The following LRRC37A2 variants were observed in gnomAD, a reference collection of about 807,000 sequenced individuals.
LRRC37A2 encodes the protein leucine-rich repeat-containing protein 37A2.
A neutral mutation model predicts 68.8 loss-of-function variants in LRRC37A2; 9 were observed. That is an observed-to-expected ratio of 0.13 (90% CI 0.08 to 0.23). The LOEUF (loss-of-function observed/expected upper bound fraction) is 0.23, where lower values mean the gene tolerates loss of function less well. Among genes scored for constraint, LRRC37A2 ranks in the 10% least tolerant of loss-of-function variants. LRRC37A2 has a pLI of 1.00. For synonymous variants in LRRC37A2, 63 were observed against 367.6 expected, an observed-to-expected ratio of 0.17 and a Z score of 9.48; for missense variants, 168 against 950.4, an observed-to-expected ratio of 0.18 and a Z score of 10.82.
intron 8 of LRRC37A2, among the ~76,000 whole-genome samples, chr17:46,543,499 A>G (rs1350472868): frequency 6.6e-6 from 1 of 150,916 alleles, no homozygotes; most frequent in African/African-American, 2.5e-5. Flanking sequence ...GTGTATACGG[A>G]CCGCATAGTA....
At chr17:46,657,970 A>ATTT in the LRRC37A2 span, among the ~76,000 whole-genome samples, 30 of 14,854 alleles carry the variant, frequency 2.0e-3, 1 homozygote, top group Non-Finnish European at 2.2e-3. Context: ...TATTTTATTT[A>ATTT]TTTTTTTTTT....
chr17:46,918,365 G>A, the LRRC37A2 span, among the ~76,000 whole-genome samples: 112 of 152,184 alleles, frequency 7.4e-4, no homozygotes, highest in East Asian at 0.02. Flanking sequence ...GGCGTGAACC[G>A]CCGCCCCCGG....
At chr17:46,935,712 A>G in the LRRC37A2 span, 1 of 987,600 alleles carries the variant, frequency 1.0e-6, no homozygotes, top group African/African-American at 1.8e-5. Flanking sequence ...GATCCCAGCG[A>G]CTCTTCACTC....
At chr17:46,709,183 A>G in the LRRC37A2 span, among the ~76,000 whole-genome samples, 1 of 152,220 alleles carries the variant, frequency 6.6e-6, no homozygotes, top group African/African-American at 2.4e-5. Flanking sequence ...ACAAAAGCCA[A>G]TTTGGTTAGC....
the LRRC37A2 span, chr17:46,886,286 C>A: frequency 3.9e-5 from 6 of 152,194 alleles, no homozygotes; most frequent in African/African-American, 9.7e-5. Flanking sequence ...AGGCATAAAC[C>A]TATATCAATT....
chr17:46,933,039 G>C, the LRRC37A2 span: 10 of 152,244 alleles, frequency 6.6e-5, no homozygotes, highest in African/African-American at 2.4e-4. Context: ...TGCCAACATA[G>C]TTTTTGCTTC....
At chr17:46,863,118 G>A in the LRRC37A2 span, among the ~76,000 whole-genome samples, 1 of 44 alleles carries the variant, frequency 0.023, no homozygotes, top group East Asian at 0.5. Context: ...GCTAGGGAGG[G>A]CGTGGCACAG....
At chr17:46,492,293 T>A in the LRRC37A2 span, among the ~76,000 whole-genome samples, 522 of 150,992 alleles carry the variant, frequency 3.5e-3, 1 homozygote, top group Non-Finnish European at 4.8e-3. Context: ...GTATTTTAAT[T>A]TTTTAGTTTA....
chr17:46,751,185 A>C, the LRRC37A2 span, among the ~76,000 whole-genome samples: 1 of 152,224 alleles, frequency 6.6e-6, no homozygotes, highest in African/African-American at 2.4e-5. Context: ...TGACACATAC[A>C]GATTGTTCCT....
the LRRC37A2 span, among the ~76,000 whole-genome samples, chr17:46,907,690 A>C: frequency 3.9e-5 from 4 of 101,930 alleles, no homozygotes; most frequent in African/African-American, 4.3e-5. Context: ...AAAAAAAAAC[A>C]AAAAACCCAA....
chr17:46,457,688 C>CA, the LRRC37A2 span, among the ~76,000 whole-genome samples: 1 of 111,756 alleles, frequency 8.9e-6, no homozygotes, highest in African/African-American at 3.0e-5. Context: ...TGAGTTGGGA[C>CA]ATTGGTTTGG....
chr17:47,038,591 T>C, the LRRC37A2 span, among the ~76,000 whole-genome samples: 4 of 144,578 alleles, frequency 2.8e-5, no homozygotes, highest in Non-Finnish European at 4.6e-5. Context: ...AAAGCTCCAC[T>C]CTCACCCCCT....
the LRRC37A2 span, among the ~76,000 whole-genome samples, chr17:46,974,607 G>A: frequency 1.5e-4 from 23 of 152,190 alleles, no homozygotes; most frequent in African/African-American, 5.3e-4. Context: ...GGTGGCGGGC[G>A]CCTGTAGTCC....
At chr17:46,838,322 T>TA in the LRRC37A2 span, among the ~76,000 whole-genome samples, 704 of 138,222 alleles carry the variant, frequency 5.1e-3, no homozygotes, top group Middle Eastern at 7.5e-3. Context: ...GGGCCTGCCT[T>TA]AAAAAAAAAA....
the LRRC37A2 span, among the ~76,000 whole-genome samples, chr17:46,950,007 T>C: frequency 2.0e-5 from 3 of 152,194 alleles, no homozygotes; most frequent in East Asian, 3.8e-4. Context: ...TTGATTGAAA[T>C]TGGAGTGAGC....
the LRRC37A2 span, among the ~76,000 whole-genome samples, chr17:46,736,449 G>A: frequency 6.6e-6 from 1 of 152,300 alleles, no homozygotes; most frequent in South Asian, 2.1e-4. Flanking sequence ...GAGATTTCCT[G>A]TGTCCTTGGG....
At chr17:46,792,184 G>T in the LRRC37A2 span, among the ~76,000 whole-genome samples, 1 of 152,220 alleles carries the variant, frequency 6.6e-6, no homozygotes, top group Non-Finnish European at 1.5e-5. Flanking sequence ...CCCAGTTAAG[G>T]TTCCCCCAGG....
the LRRC37A2 span, among the ~76,000 whole-genome samples, chr17:46,856,620 A>G: frequency 6.6e-6 from 1 of 151,334 alleles, no homozygotes; most frequent in Admixed American, 6.6e-5. Flanking sequence ...AGTAGATGGG[A>G]TGACAAGTGT....
At chr17:46,943,502 T>A in the LRRC37A2 span, among the ~76,000 whole-genome samples, 854 of 152,314 alleles carry the variant, frequency 5.6e-3, 8 homozygotes, top group African/African-American at 0.018. Context: ...CACAATCCCA[T>A]GAAACCTCCA....
Sources: allele counts gnomAD v4.1 joint callset (sites outside exome capture counted in the v4.1 genomes callset), GRCh38; gene constraint gnomAD v4.1.1; transcripts MANE v1.5; gene names NCBI Gene and HGNC (gene_info 2026-07-23, HGNC 2026-07-21).